Variants in RBMS3 observed in about 807,000 individuals in gnomAD.
RBMS3 encodes the protein RNA binding motif single stranded interacting protein 3.
A neutral mutation model predicts 66.8 loss-of-function variants in RBMS3; 27 were observed. The ratio of observed to expected loss-of-function variants is 0.40; its 90% CI spans 0.30 to 0.56. RBMS3 has a LOEUF of 0.56. Among genes scored for constraint, RBMS3 ranks in the 20% least tolerant of loss-of-function variants. The pLI is 0.40. For synonymous variants in RBMS3, 188 were observed against 183.0 expected (o/e 1.03, Z -0.22); for missense variants, 513 against 549.5 (o/e 0.93, Z 0.66).
At chr3:29,772,827 A>T (rs2056268419) in intron 6 of RBMS3, among the ~76,000 whole-genome samples, 1 of 152,056 alleles carries the variant, frequency 6.6e-6, no homozygotes, top group South Asian at 2.1e-4. Context: ...AAATCTTGTT[A>T]GTTATTTTAA....
In RBMS3 at chr3:29,331,150, G is replaced by T. The variant is rs1258966375; in HGVS notation, c.75+49394G>T. 2.0e-5 allele frequency among the ~76,000 whole-genome samples: 3 copies of T among 152,104 alleles called. No homozygotes were observed. In the East Asian group the frequency reaches 5.8e-4, roughly 29 times the overall value. ...GTCCTCTCCCATTTTCAACCAGTCT[G>T]TGCGCTGCCTGGTGTTGGCACTCTT... On this transcript the variant is annotated intron_variant, in intron 1 of 14. Coordinates refer to ENST00000383767, the MANE Select transcript of RBMS3 (RefSeq NM_001003793.3).
chr3:29,488,573 C>G, intron 3 of RBMS3, 74 bp downstream of exon 3: 3 of 1,345,260 alleles, frequency 2.2e-6, no homozygotes, highest in Non-Finnish European at 3.1e-6. Flanking sequence ...TTGTGGAGGT[C>G]CAGGTACCAG....
At chr3:29,780,527 A>G (rs1048849042) in intron 6 of RBMS3, among the ~76,000 whole-genome samples, 5 of 152,116 alleles carry the variant, frequency 3.3e-5, no homozygotes, top group African/African-American at 1.2e-4. Flanking sequence ...CTTAAATGTA[A>G]GAGATTTCAT....
chr3:29,339,703 A>G (rs2036170468), intron 1 of RBMS3, among the ~76,000 whole-genome samples: 1 of 152,110 alleles, frequency 6.6e-6, no homozygotes, highest in South Asian at 2.1e-4. Flanking sequence ...TCTGGCAAGA[A>G]CTGCTATCTA....
chr3:29,483,780 T>C lies in RBMS3; in HGVS notation c.249-4661T>C, dbSNP rs2043226789. ...AAAATCATTCCTCATTGACAAAATA[T>C]TGCCCCTTCTTCAAACACTTCCTCT... On this transcript the variant is annotated intron_variant, in intron 2 of 14. Coordinates refer to ENST00000383767, the MANE Select transcript of RBMS3 (RefSeq NM_001003793.3). 4.6e-5 allele frequency among the ~76,000 whole-genome samples: 7 copies of C among 152,248 alleles called. No homozygotes were observed. The South Asian group carries it at 1.4e-3, about 31-fold the overall frequency.
chr3:29,506,780 C>T (rs1243095818), intron 3 of RBMS3, among the ~76,000 whole-genome samples: 1 of 151,718 alleles, frequency 6.6e-6, no homozygotes, highest in Non-Finnish European at 1.5e-5. Context: ...TTTTCCATTA[C>T]TTCATGGTTT....
intron 3 of RBMS3, among the ~76,000 whole-genome samples, chr3:29,505,515 TTTTG>T (rs2044150260): frequency 8.4e-6 from 1 of 119,082 alleles, no homozygotes; most frequent in African/African-American, 3.4e-5. Flanking sequence ...TGTTTTTTTT[TTTTG>T]TTGTTTGTTT....
chr3:29,978,852 G>A (rs1328944039), intron 12 of RBMS3, among the ~76,000 whole-genome samples: 7 of 152,048 alleles, frequency 4.6e-5, no homozygotes, highest in Admixed American at 4.6e-4. Flanking sequence ...GAAGAACTGG[G>A]GGCTGGGCGT....
At chr3:29,406,180 C>T (rs557485881) in intron 1 of RBMS3, among the ~76,000 whole-genome samples, 11 of 152,266 alleles carry the variant, frequency 7.2e-5, no homozygotes, top group African/African-American at 2.2e-4. Context: ...TCGAGATCTG[C>T]TCTTGATGTG....
intron 1 of RBMS3, among the ~76,000 whole-genome samples, chr3:29,287,224 G>T (rs545631618): frequency 6.2e-4 from 95 of 152,238 alleles, no homozygotes; most frequent in African/African-American, 2.0e-3. Flanking sequence ...TTTTTAAAAT[G>T]TGGAGTGGAT....
At chr3:29,693,714 G>A (rs2052139251) in intron 4 of RBMS3, among the ~76,000 whole-genome samples, 1 of 151,864 alleles carries the variant, frequency 6.6e-6, no homozygotes, top group Admixed American at 6.6e-5. Context: ...TAGAGAAATG[G>A]GTAACATCAG....
At chr3:29,580,803 C>T (rs995214093) in intron 3 of RBMS3, among the ~76,000 whole-genome samples, 2 of 152,008 alleles carry the variant, frequency 1.3e-5, no homozygotes, top group African/African-American at 2.4e-5. Context: ...TTCTGGCACA[C>T]AAATTTCAGA....
At position 29,517,269 on chromosome 3, in the gene RBMS3, ATATGTGTGTGTGTG is replaced by A. The variant is rs1237225358; in HGVS notation, c.307+28772_307+28785del. ...ATCTGTGTATGTGAGGTGATTTCAT[ATATGTGTGTGTGTG>A]TGTGTGTGTGTGTGTGTGTGTGTGT... On this transcript the variant is annotated intron_variant, in intron 3 of 14. Coordinates refer to ENST00000383767, the MANE Select transcript of RBMS3 (RefSeq NM_001003793.3). Among the ~76,000 whole-genome samples, 6 of 120,570 alleles carry A rather than the reference ATATGTGTGTGTGTG, an allele frequency of 5.0e-5. No individual in the cohort carries two copies. The South Asian group carries it at 1.0e-3, about 21-fold the overall frequency. 79.1% of individuals were successfully genotyped at this position (120,570 alleles called of 152,430 possible).
At chr3:29,285,890 A>G (rs2032289218) in intron 1 of RBMS3, among the ~76,000 whole-genome samples, 2 of 152,166 alleles carry the variant, frequency 1.3e-5, no homozygotes, top group African/African-American at 4.8e-5. Context: ...AAAGCAAAAC[A>G]AAACAACCCT....
At position 29,850,181 on chromosome 3, in the gene RBMS3, C is replaced by T. The variant is rs112664963; in HGVS notation, c.638-18677C>T. Among the ~76,000 whole-genome samples, 438 of 152,124 alleles carry T rather than the reference C, an allele frequency of 2.9e-3. 8 individuals carry two copies. Among genetic ancestry groups the T allele is most frequent in the African/African-American group, 9.7e-3 (404 of 41,494 alleles). On this transcript the variant is annotated intron_variant, in intron 6 of 14. Transcript: ENST00000383767. The stretch of plus-strand genomic sequence containing the variant: ...AAGTAATCCTGGGGAGGAGGGGATA[C>T]GCAGAAAAAGTGAAAAACACAGAGA...
intron 4 of RBMS3, among the ~76,000 whole-genome samples, chr3:29,695,162 T>C (rs2052209208): frequency 6.6e-6 from 1 of 152,196 alleles, no homozygotes; most frequent in Non-Finnish European, 1.5e-5. Context: ...TTGTTCATAT[T>C]AGGATCTCGC....
intron 6 of RBMS3, among the ~76,000 whole-genome samples, chr3:29,771,783 C>T (rs1316807536): frequency 6.6e-6 from 1 of 151,970 alleles, no homozygotes; most frequent in Non-Finnish European, 1.5e-5. Context: ...GGGAAGCAGG[C>T]ATGACCTACA....
intron 2 of RBMS3, among the ~76,000 whole-genome samples, chr3:29,441,846 G>A (rs144576838): frequency 2.0e-5 from 3 of 152,110 alleles, no homozygotes; most frequent in African/African-American, 4.8e-5. Flanking sequence ...TTAATCCCCT[G>A]TTTTAGCTCT....
At chr3:29,976,207 TA>T (rs1485189347) in intron 12 of RBMS3, among the ~76,000 whole-genome samples, 2 of 152,068 alleles carry the variant, frequency 1.3e-5, no homozygotes, top group Non-Finnish European at 2.9e-5. Context: ...TCTTTTTTAA[TA>T]GTTTAATGCA....
Sources: gnomAD v4.1 joint callset for allele counts (sites outside exome capture counted in the v4.1 genomes callset) on GRCh38, gnomAD v4.1.1 for gene constraint, MANE v1.5 for transcripts, NCBI Gene and HGNC (gene_info 2026-07-23, HGNC 2026-07-21) for gene names.